The following RBFOX3 variants were observed in gnomAD, a reference collection of about 807,000 sequenced individuals.
RBFOX3 encodes the protein RNA binding fox-1 homolog 3.
RBFOX3 carries 17 observed loss-of-function variants against 48.7 expected under a neutral mutation model. That is an observed-to-expected ratio of 0.35 (90% confidence interval 0.24 to 0.52). RBFOX3 has a LOEUF of 0.52. Among genes scored for constraint, RBFOX3 ranks in the 20% least tolerant of loss-of-function variants. The probability of loss-of-function intolerance (pLI) is 0.94; values close to 1 mark genes in which losing one functional copy is unlikely to be tolerated. For synonymous variants in RBFOX3, 212 were observed against 209.5 expected (o/e 1.01, Z -0.10); for missense variants, 382 against 497.5 (o/e 0.77, Z 2.21).
intron 4 of RBFOX3, among the ~76,000 whole-genome samples, chr17:79,232,924 GT>G (rs1308891405): frequency 3.6e-4 from 55 of 152,340 alleles, no homozygotes; most frequent in Non-Finnish European, 8.8e-5. Context: ...GGAATGTAAA[GT>G]CGTGCAACCA....
At chr17:79,183,233 G>T (rs1448149936) in intron 4 of RBFOX3, 1 of 151,094 alleles carries the variant, frequency 6.6e-6, no homozygotes, top group South Asian at 1.8e-4. Context: ...GCGCCGGGCC[G>T]GGGGCCGGGG....
intron 1 of RBFOX3, among the ~76,000 whole-genome samples, chr17:79,548,916 A>G (rs558255670): frequency 6.6e-5 from 10 of 152,382 alleles, no homozygotes; most frequent in African/African-American, 2.4e-4. Context: ...GCTAGATACC[A>G]TGGTAATTGT....
chr17:79,387,168 T>C (rs1484273373), intron 2 of RBFOX3, among the ~76,000 whole-genome samples: 1 of 152,154 alleles, frequency 6.6e-6, no homozygotes, highest in Non-Finnish European at 1.5e-5. Context: ...TGTCCAAGCA[T>C]GGGGTCTGGC....
intron 2 of RBFOX3, among the ~76,000 whole-genome samples, chr17:79,416,017 A>G (rs955885200): frequency 6.6e-6 from 1 of 152,282 alleles, no homozygotes; most frequent in East Asian, 1.9e-4. Flanking sequence ...GGAAAAGGCC[A>G]TGCCTGCGCT....
chr17:79,507,403 C>T (rs1389964883), intron 1 of RBFOX3, among the ~76,000 whole-genome samples: 1 of 152,172 alleles, frequency 6.6e-6, no homozygotes, highest in Admixed American at 6.5e-5. Context: ...ATTTGGCGTC[C>T]ATGGGGGCGC....
intron 4 of RBFOX3, among the ~76,000 whole-genome samples, chr17:79,176,008 T>A (rs1040643537): frequency 1.3e-5 from 2 of 152,210 alleles, no homozygotes; most frequent in Admixed American, 1.3e-4. Flanking sequence ...TTTCTGTGAC[T>A]GAGTTGTGTC....
intron 2 of RBFOX3, among the ~76,000 whole-genome samples, chr17:79,452,544 G>A (rs2073725720): frequency 6.6e-6 from 1 of 152,174 alleles, no homozygotes; most frequent in Non-Finnish European, 1.5e-5. Flanking sequence ...CTGGCATGCA[G>A]CAGCGAATGG....
intron 2 of RBFOX3, among the ~76,000 whole-genome samples, chr17:79,374,670 C>G (rs1370010159): frequency 6.6e-6 from 1 of 152,226 alleles, no homozygotes; most frequent in South Asian, 2.1e-4. Context: ...TGTTTGCGGG[C>G]TTTCTCCTTG....
chr17:79,560,067 T>C (rs2092108113), intron 1 of RBFOX3, among the ~76,000 whole-genome samples: 1 of 5,058 alleles, frequency 2.0e-4, no homozygotes, highest in Non-Finnish European at 3.9e-4. Flanking sequence ...GGTGGGTGGG[T>C]GGGTGGTGGG....
At chr17:79,406,962 T>A (rs1209286731) in intron 2 of RBFOX3, among the ~76,000 whole-genome samples, 1 of 152,016 alleles carries the variant, frequency 6.6e-6, no homozygotes, top group Non-Finnish European at 1.5e-5. Context: ...GAGAGAGAGG[T>A]GAGCTGCAGA....
At chr17:79,414,741 G>A (rs930114235) in intron 2 of RBFOX3, among the ~76,000 whole-genome samples, 1 of 152,226 alleles carries the variant, frequency 6.6e-6, no homozygotes, top group Non-Finnish European at 1.5e-5. Context: ...AAGACAGCGT[G>A]CCCACGGGAG....
At chr17:79,638,614 A>G in the RBFOX3 span, among the ~76,000 whole-genome samples, 4 of 152,300 alleles carry the variant, frequency 2.6e-5, no homozygotes, top group African/African-American at 9.6e-5. Context: ...CTGATCCCCA[A>G]TGTTGCAGGT....
chr17:79,553,975 C>G (rs2091385832), intron 1 of RBFOX3, among the ~76,000 whole-genome samples: 1 of 152,184 alleles, frequency 6.6e-6, no homozygotes, highest in African/African-American at 2.4e-5. Flanking sequence ...CTCAGGCAAT[C>G]CACCCGCCTC....
intron 4 of RBFOX3, among the ~76,000 whole-genome samples, chr17:79,216,758 A>C (rs2147279964): frequency 6.6e-6 from 1 of 152,168 alleles, no homozygotes; most frequent in East Asian, 1.9e-4. Flanking sequence ...TTTTCACCCA[A>C]CCTGATCTCA....
At chr17:79,383,371 C>T (rs946330862) in intron 2 of RBFOX3, among the ~76,000 whole-genome samples, 1 of 152,266 alleles carries the variant, frequency 6.6e-6, no homozygotes, top group Admixed American at 6.5e-5. Flanking sequence ...TCCACCACCC[C>T]ACGGCCGCGG....
Position 79,255,218 on chromosome 17 carries a change from TGTGC to T in RBFOX3, c.-73-19417_-73-19414del, listed in dbSNP as rs894266612. Among the ~76,000 whole-genome samples, 76 of 116,148 alleles carry T rather than the reference TGTGC, an allele frequency of 6.5e-4. No homozygotes were observed. In the South Asian group the frequency reaches 0.011, roughly 18 times the overall value. 76.2% of individuals were successfully genotyped at this position (116,148 alleles called of 152,430 possible). A position where few individuals can be genotyped will look rare whatever the true frequency, so the allele number is the denominator to read the frequency against. ...AGCTGAGTGGCCCTGTGGTCACATG[TGTGC>T]GTGTGTGTGTGTGTGTGTGTGTGTG... On this transcript the variant is annotated intron_variant, in intron 3 of 14. Coordinates refer to ENST00000693108, the MANE Select transcript of RBFOX3 (RefSeq NM_001350451.2).
At chr17:79,447,042 C>G (rs2072469730) in intron 2 of RBFOX3, among the ~76,000 whole-genome samples, 1 of 152,240 alleles carries the variant, frequency 6.6e-6, no homozygotes, top group Non-Finnish European at 1.5e-5. Flanking sequence ...CCGTGTCAAC[C>G]TGGGCCTCCC....
At chr17:79,280,081 T>C (rs2069900249) in intron 3 of RBFOX3, among the ~76,000 whole-genome samples, 1 of 152,014 alleles carries the variant, frequency 6.6e-6, no homozygotes, top group Non-Finnish European at 1.5e-5. Flanking sequence ...GCTAGGGTTG[T>C]AGACAGAAGG....
intron 1 of RBFOX3, among the ~76,000 whole-genome samples, chr17:79,579,669 T>C (rs2092982351): frequency 6.6e-6 from 1 of 151,458 alleles, no homozygotes; most frequent in Admixed American, 6.6e-5. Flanking sequence ...GGCTCAGGCA[T>C]CCACTGAGAC....
Sources: gnomAD v4.1 joint callset for allele counts (sites outside exome capture counted in the v4.1 genomes callset) on GRCh38, gnomAD v4.1.1 for gene constraint, MANE v1.5 for transcripts, NCBI Gene and HGNC (gene_info 2026-07-23, HGNC 2026-07-21) for gene names.